Variants in ARID2 observed in about 807,000 individuals in gnomAD.
ARID2 encodes the protein AT-rich interactive domain-containing protein 2.
In ARID2, 32 loss-of-function variants were observed where a neutral mutation model predicts 184.6. The observed-to-expected ratio is 0.17, with a 90% CI of 0.13 to 0.23. The LOEUF (loss-of-function observed/expected upper bound fraction) is 0.23, where lower values mean the gene tolerates loss of function less well. ARID2 is among the 10% of genes least tolerant of loss of function. The pLI, the probability that ARID2 is intolerant of heterozygous loss-of-function variation, is 1.00. For synonymous variants in ARID2, 836 were observed against 772.6 expected (o/e 1.08, Z -1.36); for missense variants, 1,696 against 2,197.6 (o/e 0.77, Z 4.56).
chr12:45,860,716 CAT>C lies in ARID2; in HGVS notation c.4774-83_4774-82del, dbSNP rs10577231. ...ATTTTATGGTAGAAATGTATAACAACATAATCAAATTTATAAGACTATACTAT... is the reference window on the plus strand; with the variant it reads ...ATTTTATGGTAGAAATGTATAACAACAATCAAATTTATAAGACTATACTAT... On this transcript the variant is annotated intron_variant, in intron 15 of 20. Transcript: ENST00000334344. 0.19 allele frequency: 222,910 copies of C among 1,181,086 alleles called. 22,015 individuals are homozygous for C. The highest frequency in any genetic ancestry group is 0.2 in the Non-Finnish European group (187,557 of 917,392). 73.2% of individuals were successfully genotyped at this position (1,181,086 alleles called of 1,614,324 possible). A position where few individuals can be genotyped will look rare whatever the true frequency, so the allele number is the denominator to read the frequency against.
intron 3 of ARID2, among the ~76,000 whole-genome samples, chr12:45,757,792 ATT>A (rs1941596866): frequency 6.6e-6 from 1 of 152,216 alleles, no homozygotes; most frequent in Admixed American, 6.5e-5. Context: ...TTCAGTGCAA[ATT>A]CTTCACACTT....
At chr12:45,829,363 T>C (rs986617959) in intron 6 of ARID2, among the ~76,000 whole-genome samples, 1 of 152,104 alleles carries the variant, frequency 6.6e-6, no homozygotes, top group Non-Finnish European at 1.5e-5. Flanking sequence ...CCTATTTTTA[T>C]GTGTAGCTCA....
At chr12:45,798,951 T>C (rs1044953648) in intron 3 of ARID2, among the ~76,000 whole-genome samples, 1 of 151,610 alleles carries the variant, frequency 6.6e-6, no homozygotes, top group African/African-American at 2.4e-5. Flanking sequence ...TATATACTTA[T>C]AATTAAGTGA....
At chr12:45,821,326 A>T in intron 5 of ARID2, 94 bp from the exon 6 acceptor site, 1 of 651,024 alleles carries the variant, frequency 1.5e-6, no homozygotes, top group Non-Finnish European at 2.5e-6. Flanking sequence ...ATTAAGATGT[A>T]GTTTTGTTGT....
intron 3 of ARID2, among the ~76,000 whole-genome samples, 161 bp downstream of exon 3, chr12:45,731,475 G>A (rs1414567594): frequency 6.6e-6 from 1 of 152,136 alleles, no homozygotes; most frequent in African/African-American, 2.4e-5. Context: ...GAGATTGTAG[G>A]AAGGTGAAAG....
intron 5 of ARID2, among the ~76,000 whole-genome samples, chr12:45,820,656 A>G (rs1273544796): frequency 6.6e-6 from 1 of 152,226 alleles, no homozygotes; most frequent in East Asian, 1.9e-4. Context: ...TTTAAGGGGA[A>G]AAATACATTG....
chr12:45,782,544 A>T (rs1942114058), intron 3 of ARID2, among the ~76,000 whole-genome samples: 1 of 152,118 alleles, frequency 6.6e-6, no homozygotes, highest in African/African-American at 2.4e-5. Flanking sequence ...GGGCAGGAGA[A>T]TCACTTGAAC....
intron 3 of ARID2, among the ~76,000 whole-genome samples, chr12:45,768,315 A>G (rs1224774720): frequency 1.3e-5 from 2 of 152,086 alleles, no homozygotes; most frequent in Non-Finnish European, 2.9e-5. Context: ...ACCTGTGTAC[A>G]GTACCACTGA....
chr12:45,800,971 G>A (rs1426621483), intron 3 of ARID2, among the ~76,000 whole-genome samples: 1 of 152,126 alleles, frequency 6.6e-6, no homozygotes, highest in East Asian at 1.9e-4. Context: ...ATAAACGAGA[G>A]AGGATGGAAA....
At chr12:45,753,567 T>C (rs760018778) in intron 3 of ARID2, among the ~76,000 whole-genome samples, 1 of 152,216 alleles carries the variant, frequency 6.6e-6, no homozygotes, top group Non-Finnish European at 1.5e-5. Context: ...TATTATTTTC[T>C]GCTGATCCTG....
Position 45,904,667 on chromosome 12 carries a change from G to T in ARID2, c.5364-267G>T, listed in dbSNP as rs542156930. ...GATTGCGCCATTACACTCCAGCCTG[G>T]CAATAGAGTGAGACTCCTTCTCAAA... On this transcript the variant is annotated intron_variant, in intron 20 of 20. Coordinates refer to ENST00000334344, the MANE Select transcript of ARID2 (RefSeq NM_152641.4). Among the ~76,000 whole-genome samples the T allele has an allele frequency of 1.6e-4, 21 of 134,538 alleles. No homozygotes were observed. In the East Asian group the frequency reaches 4.3e-3, roughly 28 times the overall value. 88.3% of individuals were successfully genotyped at this position (134,538 alleles called of 152,430 possible).
At chr12:45,756,312 G>C (rs1476239955) in intron 3 of ARID2, among the ~76,000 whole-genome samples, 26 of 152,198 alleles carry the variant, frequency 1.7e-4, no homozygotes, top group Non-Finnish European at 1.5e-5. Context: ...GGAGTGGGGA[G>C]AATTATCTAC....
At chr12:45,763,354 C>T (rs1041755924) in intron 3 of ARID2, among the ~76,000 whole-genome samples, 5 of 151,910 alleles carry the variant, frequency 3.3e-5, no homozygotes, top group African/African-American at 1.2e-4. Context: ...CCTGTAATCC[C>T]AGCTACCGGG....
chr12:45,841,458 A>G (rs1463445857), intron 11 of ARID2: 1 of 150,948 alleles, frequency 6.6e-6, no homozygotes, highest in African/African-American at 2.5e-5. Flanking sequence ...CTGAATGACA[A>G]CTTTAAATTG....
chr12:45,745,543 CTTTA>C (rs1455504228), intron 3 of ARID2, among the ~76,000 whole-genome samples: 1 of 151,974 alleles, frequency 6.6e-6, no homozygotes, highest in Non-Finnish European at 1.5e-5. Context: ...AAAACGGGGC[CTTTA>C]TTTATTATTA....
At chr12:45,886,250 C>T (rs1944187459) in intron 16 of ARID2, among the ~76,000 whole-genome samples, 1 of 152,066 alleles carries the variant, frequency 6.6e-6, no homozygotes, top group South Asian at 2.1e-4. Flanking sequence ...ATAGGGTAGT[C>T]ATTAAACCTT....
In ARID2 at chr12:45,760,885, A is replaced by G. The variant is rs535614865; in HGVS notation, c.284+29571A>G. Among the ~76,000 whole-genome samples the G allele has an allele frequency of 5.3e-5, 8 of 151,964 alleles. No homozygotes were observed. In the East Asian group the frequency reaches 1.4e-3, roughly 26 times the overall value. On this transcript the variant is annotated intron_variant, in intron 3 of 20. Transcript: ENST00000334344. Reference sequence around the variant, plus strand: ...TAATTTTTATTTAGTTTTTAGCGATAGGGTCTGGCTCTGTTGCCTGGGCTG... The same window carrying G: ...TAATTTTTATTTAGTTTTTAGCGATGGGGTCTGGCTCTGTTGCCTGGGCTG...
At chr12:45,829,792 T>TTTC (rs141510569) in intron 6 of ARID2, among the ~76,000 whole-genome samples, 29,447 of 121,056 alleles carry the variant, frequency 0.24, 3,527 homozygotes, top group African/African-American at 0.39. Context: ...CTAGGTTATC[T>TTTC]TTCTTCTTCT....
intron 16 of ARID2, among the ~76,000 whole-genome samples, chr12:45,890,441 G>A (rs1314922205): frequency 6.6e-6 from 1 of 152,196 alleles, no homozygotes; most frequent in Non-Finnish European, 1.5e-5. Context: ...TGCAATTAAT[G>A]ATTTAATAGT....
Sources: gnomAD v4.1 joint callset for allele counts (sites outside exome capture counted in the v4.1 genomes callset) on GRCh38, gnomAD v4.1.1 for gene constraint, MANE v1.5 for transcripts, NCBI Gene and HGNC (gene_info 2026-07-23, HGNC 2026-07-21) for gene names.